STAG1: variants seen among roughly 807,000 people sequenced by gnomAD.
The protein encoded by STAG1 is STAG1 cohesin complex component, also known as cohesin subunit SA-1.
STAG1 carries 26 observed loss-of-function variants against 170.9 expected under a neutral mutation model. The ratio of observed to expected loss-of-function variants is 0.15; its 90% CI spans 0.11 to 0.21. The LOEUF (loss-of-function observed/expected upper bound fraction) is 0.21, where lower values mean the gene tolerates loss of function less well. STAG1 is among the 10% of genes least tolerant of loss of function. STAG1 has a pLI of 1.00. For synonymous variants in STAG1, 514 were observed against 497.7 expected (o/e 1.03, Z -0.44); for missense variants, 964 against 1,509.5 (o/e 0.64, Z 5.99).
chr3:136,477,186 T>G, intron 10 of STAG1, 103 bp downstream of exon 10: 1 of 1,295,898 alleles, frequency 7.7e-7, no homozygotes, highest in East Asian at 2.5e-5. Flanking sequence ...AATTTCCACA[T>G]GATTACAACT....
intron 21 of STAG1, among the ~76,000 whole-genome samples, chr3:136,405,823 G>GAAAAAAAAAAAAAAAAAAAAAAA (rs2087467623): frequency 3.8e-5 from 3 of 78,044 alleles, no homozygotes; most frequent in Admixed American, 1.3e-4. Context: ...AAAAAAAAAG[G>GAAAAAAAAAAAAAAAAAAAAAAA]AAAAATGTTA....
intron 21 of STAG1, among the ~76,000 whole-genome samples, chr3:136,404,016 A>G (rs990208635): frequency 1.3e-5 from 2 of 152,218 alleles, no homozygotes; most frequent in African/African-American, 4.8e-5. Context: ...GACACCATTT[A>G]GAACTTCTCC....
intron 6 of STAG1, among the ~76,000 whole-genome samples, chr3:136,539,698 T>C (rs1935800217): frequency 6.6e-6 from 1 of 152,194 alleles, no homozygotes; most frequent in African/African-American, 2.4e-5. Context: ...CATAGATTGC[T>C]CTGGGAAATA....
At chr3:136,654,598 C>T (rs1481017665) in intron 1 of STAG1, among the ~76,000 whole-genome samples, 1 of 152,124 alleles carries the variant, frequency 6.6e-6, no homozygotes, top group Non-Finnish European at 1.5e-5. Context: ...TTCAAAATAA[C>T]AACAGTATTT....
At chr3:136,486,611 A>G (rs2090018113) in intron 9 of STAG1, among the ~76,000 whole-genome samples, 1 of 152,178 alleles carries the variant, frequency 6.6e-6, no homozygotes, top group African/African-American at 2.4e-5. Context: ...TTTATTACAC[A>G]ATTTCATGGA....
In STAG1 at chr3:136,445,098, T is replaced by G. The variant is rs75322204; in HGVS notation, c.1429-1694A>C. 6.4e-3 allele frequency among the ~76,000 whole-genome samples: 975 copies of G among 151,858 alleles called. 12 individuals carry two copies. The highest frequency in any genetic ancestry group is 0.022 in the African/African-American group (928 of 41,428). ...TTTCAGTGTGAATTTTAATGACTTA[T>G]GTAATGCTCTGCCTCTTCTGACACT... On this transcript the variant is annotated intron_variant, in intron 14 of 33. Coordinates refer to ENST00000383202, the MANE Select transcript of STAG1 (RefSeq NM_005862.3).
In STAG1 at chr3:136,721,892, G is replaced by C. The variant is rs145958469; in HGVS notation, c.-84+30303C>G. ...TGAGTGCCACTGCATTTCAGCCTGG[G>C]CAACAGAGCTAGACTCCATCTCAAA... is the stretch of plus-strand genomic sequence containing the variant. On this transcript the variant is annotated intron_variant, in intron 1 of 33. Transcript: ENST00000383202. 6.0e-5 allele frequency among the ~76,000 whole-genome samples: 9 copies of C among 150,720 alleles called. No homozygotes were observed. In the East Asian group the frequency reaches 1.8e-3, roughly 30 times the overall value.
intron 29 of STAG1, among the ~76,000 whole-genome samples, chr3:136,346,815 A>G (rs1216544283): frequency 1.3e-5 from 2 of 152,250 alleles, no homozygotes; most frequent in Admixed American, 6.5e-5. Context: ...ACATTGAAGA[A>G]TGGCTAGGCG....
intron 20 of STAG1, among the ~76,000 whole-genome samples, chr3:136,419,512 T>C (rs1416333165): frequency 1.3e-5 from 2 of 152,086 alleles, no homozygotes; most frequent in East Asian, 3.8e-4. Context: ...TGGTGTAATC[T>C]TGGCTCTCTA....
chr3:136,604,509 G>A, intron 3 of STAG1, 36 bp from the exon 4 acceptor site: 1 of 1,546,372 alleles, frequency 6.5e-7, no homozygotes, highest in Non-Finnish European at 8.7e-7. Context: ...CATTCGATTA[G>A]GTTTACTTTG....
chr3:136,506,294 G>A (rs1246808209), intron 7 of STAG1, among the ~76,000 whole-genome samples: 2 of 151,974 alleles, frequency 1.3e-5, no homozygotes, highest in Non-Finnish European at 2.9e-5. Context: ...AGATTAACGT[G>A]GCAGCAATAG....
intron 1 of STAG1, among the ~76,000 whole-genome samples, chr3:136,741,133 G>A (rs545841520): frequency 5.9e-5 from 9 of 152,174 alleles, no homozygotes; most frequent in African/African-American, 1.9e-4. Context: ...AGCAAAAAGC[G>A]TATTTATGAC....
At chr3:136,625,400 C>T (rs1422910359) in intron 2 of STAG1, among the ~76,000 whole-genome samples, 1 of 152,202 alleles carries the variant, frequency 6.6e-6, no homozygotes, top group South Asian at 2.1e-4. Flanking sequence ...AGATCTCTGA[C>T]TCAGGATTTT....
chr3:136,685,139 AC>A, intron 1 of STAG1, among the ~76,000 whole-genome samples: 1 of 152,246 alleles, frequency 6.6e-6, no homozygotes, highest in Admixed American at 6.5e-5. Context: ...ACATGGTGAA[AC>A]CCCATCTCTA....
At chr3:136,687,319 T>C (rs2107893287) in intron 1 of STAG1, among the ~76,000 whole-genome samples, 1 of 152,340 alleles carries the variant, frequency 6.6e-6, no homozygotes, top group Middle Eastern at 3.4e-3. Flanking sequence ...ATTATTAAAC[T>C]ACTATATTGT....
intron 12 of STAG1, among the ~76,000 whole-genome samples, chr3:136,470,321 C>T (rs1271276977): frequency 6.6e-6 from 1 of 152,158 alleles, no homozygotes; most frequent in Non-Finnish European, 1.5e-5. Flanking sequence ...AAAAAGTGGG[C>T]AAAGGATATG....
At chr3:136,658,731 T>A (rs1343325277) in intron 1 of STAG1, among the ~76,000 whole-genome samples, 1 of 152,258 alleles carries the variant, frequency 6.6e-6, no homozygotes, top group Admixed American at 6.5e-5. Flanking sequence ...CTGATAATTA[T>A]GTTTTACTTA....
At chr3:136,531,160 T>C (rs920252108) in intron 6 of STAG1, among the ~76,000 whole-genome samples, 4 of 151,462 alleles carry the variant, frequency 2.6e-5, no homozygotes, top group African/African-American at 4.9e-5. Context: ...CATGAAAAAA[T>C]GCTCATCATC....
intron 24 of STAG1, among the ~76,000 whole-genome samples, chr3:136,368,168 C>G (rs1390489134): frequency 6.6e-6 from 1 of 152,144 alleles, no homozygotes; most frequent in African/African-American, 2.4e-5. Context: ...AATAAACATA[C>G]TGTTTCACAG....
Sources: gnomAD v4.1 joint callset for allele counts (sites outside exome capture counted in the v4.1 genomes callset) on GRCh38, gnomAD v4.1.1 for gene constraint, MANE v1.5 for transcripts, NCBI Gene and HGNC (gene_info 2026-07-23, HGNC 2026-07-21) for gene names.